Variants in PJA2 observed in about 807,000 individuals in gnomAD.
PJA2 encodes the protein praja ring finger ubiquitin ligase 2, also known as E3 ubiquitin-protein ligase Praja-2.
In PJA2, 25 loss-of-function variants were observed where a neutral mutation model predicts 69.3. The ratio of observed to expected loss-of-function variants is 0.36; its 90% CI spans 0.26 to 0.50. The LOEUF is 0.50. Among genes scored for constraint, PJA2 ranks in the 20% least tolerant of loss-of-function variants. The pLI is 0.96. For synonymous variants in PJA2, 308 were observed against 277.8 expected (o/e 1.11, Z -1.08); for missense variants, 809 against 830.2 (o/e 0.97, Z 0.31).
chr5:109,337,209 A>T lies in PJA2; in HGVS notation c.*22T>A. ...TTTGCAGATTTACTTTGATACACTG[A>T]TCTCATTTCAACTGTCAAGGTTTAG... On this transcript the variant is annotated 3_prime_UTR_variant, in exon 10 of 10. Coordinates refer to ENST00000361189, the MANE Select transcript of PJA2 (RefSeq NM_014819.5). The T allele has an allele frequency of 6.2e-7, 1 of 1,610,804 alleles. No homozygotes were observed. Among genetic ancestry groups the T allele is most frequent in the Non-Finnish European group, 8.5e-7 (1 of 1,178,832 alleles).
At chr5:109,344,125 C>G in intron 9 of PJA2, 65 bp downstream of exon 9, 2 of 618,372 alleles carry the variant, frequency 3.2e-6, no homozygotes, top group Non-Finnish European at 5.0e-6. Flanking sequence ...AAAAAAGATA[C>G]TATTATTCAC....
In PJA2 at chr5:109,381,575, T is replaced by C; in HGVS notation, c.160A>G (p.Arg54Gly). 1 of 1,614,168 alleles carries C rather than the reference T, an allele frequency of 6.2e-7. No homozygotes were observed. Among genetic ancestry groups the C allele is most frequent in the Non-Finnish European group, 8.5e-7 (1 of 1,180,016 alleles). Residue 54 changes from arginine to glycine, a missense_variant, in exon 3 of 10, where the codon AGA becomes GGA. By Grantham distance (125) the Arg-to-Gly change is moderately radical (BLOSUM62 -2). This residue lies in a region of PJA2 where 700 missense variants were observed against 639.5 expected (regional missense o/e 1.09). Coordinates refer to ENST00000361189, the MANE Select transcript of PJA2 (RefSeq NM_014819.5). ...TCATCACCAGCCCGACCTAAGCTTC[T>C]TTCATGTCTGGTCATACATGGTTTA... ...SFKPCMTRHE[R>G]SLGRAGDDYE...
At position 109,378,289 on chromosome 5, in the gene PJA2, C is replaced by T; in HGVS notation, c.1198G>A (p.Ala400Thr). Residue 400 changes from alanine (A) to threonine (T), a missense_variant, in exon 4 of 10, where the codon GCC becomes ACC. Coordinates refer to ENST00000361189, the MANE Select transcript of PJA2 (RefSeq NM_014819.5). ...ENNQMTSESG[A>T]TAGRQEVDNT... ...TCCACCTCTTGCCTTCCTGCTGTGG[C>T]TCCACTTTCTGATGTCATTTGGTTA... 6.2e-7 allele frequency: 1 copy of T among 1,614,112 alleles called. No individual in the cohort carries two copies. Among genetic ancestry groups the T allele is most frequent in the East Asian group, 2.2e-5 (1 of 44,890 alleles).
intron 4 of PJA2, among the ~76,000 whole-genome samples, chr5:109,376,397 T>C (rs1338983930): frequency 1.3e-5 from 2 of 151,950 alleles, no homozygotes; most frequent in African/African-American, 4.8e-5. Flanking sequence ...AGGCAAAGAA[T>C]ACACTTCCAC....
intron 7 of PJA2, among the ~76,000 whole-genome samples, chr5:109,353,321 CTATA>C (rs1416136837): frequency 3.6e-5 from 5 of 138,898 alleles, no homozygotes; most frequent in Non-Finnish European, 6.1e-5. Flanking sequence ...CTATAGATAT[CTATA>C]TATTAGATAC....
rs201041553 is a variant in PJA2, at chr5:109,337,198, T to G, written c.*33A>C. The G allele has an allele frequency of 1.1e-5, 17 of 1,604,220 alleles. No individual in the cohort carries two copies. The highest frequency in any genetic ancestry group is 1.4e-5 in the Non-Finnish European group (17 of 1,176,184). ...TTTAGAAGGAATTTGCAGATTTACT[T>G]TGATACACTGATCTCATTTCAACTG... is the stretch of plus-strand genomic sequence containing the variant. On this transcript the variant is annotated 3_prime_UTR_variant, in exon 10 of 10. Transcript: ENST00000361189.
chr5:109,360,683 A>G (rs1762490909), intron 6 of PJA2, among the ~76,000 whole-genome samples: 1 of 152,184 alleles, frequency 6.6e-6, no homozygotes, highest in Admixed American at 6.5e-5. Context: ...TAATGCTAAA[A>G]TGTTTTCTAT....
intron 6 of PJA2, among the ~76,000 whole-genome samples, chr5:109,356,883 A>T (rs750515941): frequency 2.3e-4 from 35 of 152,146 alleles, no homozygotes; most frequent in Non-Finnish European, 4.6e-4. Context: ...CTAGAAGAAA[A>T]ACATGTCTCA....
intron 1 of PJA2, among the ~76,000 whole-genome samples, chr5:109,401,056 C>T (rs1159740861): frequency 6.6e-6 from 1 of 152,014 alleles, no homozygotes; most frequent in Non-Finnish European, 1.5e-5. Flanking sequence ...CTTTGGGAGG[C>T]CAAGGAGGGC....
At chr5:109,364,348 G>A (rs1197459750) in intron 5 of PJA2, among the ~76,000 whole-genome samples, 3 of 152,090 alleles carry the variant, frequency 2.0e-5, no homozygotes, top group Non-Finnish European at 4.4e-5. Flanking sequence ...TGTCGGCCGG[G>A]CGCGGTGGCT....
rs573916792 is a variant in PJA2 at position 109,379,017 on chromosome 5, T to C, written c.470A>G (p.Gln157Arg). ...IPGACSASSVQNGIALVHTDS... is the reference protein window; with the variant it reads ...IPGACSASSVRNGIALVHTDS... ...TGTATGAACCAATGCAATTCCATTT[T>C]GGACACTTGAAGCACTACAAGCTCC... is the stretch of plus-strand genomic sequence containing the variant. The change falls in exon 4 of 10, where the codon CAA becomes CGA. Residue 157 changes from glutamine (Q) to arginine (R), a missense_variant. By Grantham distance (43) the Gln-to-Arg change is conservative. Coordinates refer to ENST00000361189, the MANE Select transcript of PJA2 (RefSeq NM_014819.5). 2 of 1,614,194 alleles carry C rather than the reference T, an allele frequency of 1.2e-6. No individual in the cohort carries two copies. Among genetic ancestry groups the C allele is most frequent in the Non-Finnish European group, 1.7e-6 (2 of 1,180,030 alleles).
chr5:109,341,824 T>G (rs1380047330), intron 9 of PJA2, among the ~76,000 whole-genome samples: 1 of 67,794 alleles, frequency 1.5e-5, no homozygotes, highest in African/African-American at 5.5e-5. Context: ...GGGAGGGAGG[T>G]GGGGGGGTCA....
At chr5:109,337,469 A>C in intron 9 of PJA2, 113 bp from the exon 10 acceptor site, 1 of 1,204,680 alleles carries the variant, frequency 8.3e-7, no homozygotes, top group South Asian at 1.8e-5. Flanking sequence ...TTAACAACAA[A>C]AAACAAACTT....
intron 7 of PJA2, among the ~76,000 whole-genome samples, chr5:109,349,046 T>C (rs1345756204): frequency 2.6e-5 from 4 of 152,206 alleles, no homozygotes; most frequent in African/African-American, 9.6e-5. Context: ...ATGGATACAA[T>C]GCCTCTTGGA....
At chr5:109,339,833 G>A (rs1762011594) in intron 9 of PJA2, among the ~76,000 whole-genome samples, 1 of 152,146 alleles carries the variant, frequency 6.6e-6, no homozygotes, top group African/African-American at 2.4e-5. Flanking sequence ...ACTAGAGGTT[G>A]GTATATTGTA....
At chr5:109,401,896 A>T (rs569165807) in intron 1 of PJA2, among the ~76,000 whole-genome samples, 1 of 152,338 alleles carries the variant, frequency 6.6e-6, no homozygotes, top group Non-Finnish European at 1.5e-5. Flanking sequence ...AATAAAACAA[A>T]TATTACAAGG....
Position 109,409,971 on chromosome 5 carries a change from C to CGGT in PJA2, c.-220_-218dup. On this transcript the variant is annotated 5_prime_UTR_variant, in exon 1 of 10. Transcript: ENST00000361189. Reference sequence around the variant, plus strand: ...CTGGCGGCTGTGGCGGCGGCGGCGGCGGTGGCGGCGGCGGAAGCAGAGGCG... The same window carrying CGGT: ...CTGGCGGCTGTGGCGGCGGCGGCGGCGGTGGTGGCGGCGGCGGAAGCAGAGGCG... 4.6e-6 allele frequency: 1 copy of CGGT among 216,128 alleles called. No individual in the cohort carries two copies. Among genetic ancestry groups the CGGT allele is most frequent in the Non-Finnish European group, 9.1e-6 (1 of 109,942 alleles). 13.4% of individuals were successfully genotyped at this position (216,128 alleles called of 1,614,324 possible).
In PJA2 at chr5:109,381,757, C is replaced by G. The variant is rs1157331229; in HGVS notation, c.32-54G>C. ...GGAACAGCAATGAGCTTTATTCTTGCAACCTGTTGGGGAAAACTACTTCAG... is the reference window on the plus strand; with the variant it reads ...GGAACAGCAATGAGCTTTATTCTTGGAACCTGTTGGGGAAAACTACTTCAG... On this transcript the variant is annotated intron_variant, in intron 2 of 9. Coordinates refer to ENST00000361189, the MANE Select transcript of PJA2 (RefSeq NM_014819.5). The G allele has an allele frequency of 4.0e-6, 6 of 1,505,938 alleles. No homozygotes were observed. The African/African-American group carries it at 4.1e-5, about 10-fold the overall frequency. 93.3% of individuals were successfully genotyped at this position (1,505,938 alleles called of 1,614,324 possible).
chr5:109,397,032 T>C (rs1032189403), intron 1 of PJA2, among the ~76,000 whole-genome samples: 2 of 152,200 alleles, frequency 1.3e-5, no homozygotes, highest in Non-Finnish European at 2.9e-5. Flanking sequence ...GATGAAGTCA[T>C]AGGGCTCTGC....
Sources: allele counts gnomAD v4.1 joint callset (sites outside exome capture counted in the v4.1 genomes callset), GRCh38; gene constraint gnomAD v4.1.1; regional missense constraint gnomAD v4.1.1; transcripts MANE v1.5; gene names NCBI Gene and HGNC (gene_info 2026-07-23, HGNC 2026-07-21).